The following TIMP2 variants were observed in gnomAD, a reference collection of about 807,000 sequenced individuals.
TIMP2 encodes the protein TIMP metallopeptidase inhibitor 2.
Under a neutral mutation model 24.3 loss-of-function variants are expected in TIMP2, and 5 were observed. The ratio of observed to expected loss-of-function variants is 0.21; its 90% confidence interval spans 0.11 to 0.43. TIMP2 has a LOEUF of 0.43. TIMP2 is among the 20% of genes least tolerant of loss of function. TIMP2 has a pLI of 1.00. For synonymous variants in TIMP2, 130 were observed against 123.2 expected (o/e 1.06, Z -0.37); for missense variants, 221 against 297.5 (o/e 0.74, Z 1.89).
intron 1 of TIMP2, among the ~76,000 whole-genome samples, chr17:78,916,422 G>A (rs565313589): frequency 1.1e-4 from 17 of 152,240 alleles, no homozygotes; most frequent in Non-Finnish European, 1.3e-4. Context: ...CCCTCTCGCC[G>A]AGACTTTCTG....
intron 1 of TIMP2, among the ~76,000 whole-genome samples, chr17:78,878,023 T>C (rs1358941132): frequency 1.3e-5 from 2 of 152,182 alleles, no homozygotes; most frequent in Admixed American, 6.5e-5. Context: ...TGCCTTTCAA[T>C]GGTCCACTAA....
At chr17:78,859,955 A>C (rs2069554908) in intron 3 of TIMP2, among the ~76,000 whole-genome samples, 1 of 151,942 alleles carries the variant, frequency 6.6e-6, no homozygotes, top group South Asian at 2.1e-4. Context: ...TCATGCCACT[A>C]CATTCCAGCC....
intron 1 of TIMP2, among the ~76,000 whole-genome samples, chr17:78,888,912 G>A (rs2069852131): frequency 6.6e-6 from 1 of 152,200 alleles, no homozygotes; most frequent in Non-Finnish European, 1.5e-5. Flanking sequence ...AATGTGTCAT[G>A]AACAAAGATT....
chr17:78,879,936 G>A (rs1304635379), intron 1 of TIMP2, among the ~76,000 whole-genome samples: 2 of 151,952 alleles, frequency 1.3e-5, no homozygotes, highest in African/African-American at 2.4e-5. Context: ...CCGGGTGGGC[G>A]GAAAACCAAG....
At chr17:78,867,622 G>T (rs1234511682) in intron 3 of TIMP2, among the ~76,000 whole-genome samples, 2 of 141,510 alleles carry the variant, frequency 1.4e-5, no homozygotes, top group Non-Finnish European at 3.0e-5. Flanking sequence ...TTGAGATGGA[G>T]TCTCACTCTG....
chr17:78,901,234 C>G, intron 1 of TIMP2: 1 of 154,560 alleles, frequency 6.5e-6, no homozygotes, highest in Admixed American at 6.3e-5. Context: ...AAATGATGGT[C>G]AACAGCTACG....
At chr17:78,892,887 G>C (rs1266935022) in intron 1 of TIMP2, among the ~76,000 whole-genome samples, 2 of 152,150 alleles carry the variant, frequency 1.3e-5, no homozygotes, top group Non-Finnish European at 2.9e-5. Flanking sequence ...CCCACCCAAA[G>C]GGCAAGGGTT....
intron 3 of TIMP2, among the ~76,000 whole-genome samples, chr17:78,865,594 A>T (rs965804437): frequency 3.4e-5 from 5 of 148,580 alleles, no homozygotes; most frequent in Non-Finnish European, 7.4e-5. Context: ...ATTGCACTCC[A>T]GCCTGGGCAA....
rs1015826176 is a variant in TIMP2, at chr17:78,854,137, G to A, written c.*1530C>T. ...TTGCCGCTGAATAGAACAGGCTAAGGTGGCTTTGGAAGCATTTTGCAAGAC... is the reference window on the plus strand; with the variant it reads ...TTGCCGCTGAATAGAACAGGCTAAGATGGCTTTGGAAGCATTTTGCAAGAC... On this transcript the variant is annotated 3_prime_UTR_variant, in exon 5 of 5. Coordinates refer to ENST00000262768, the MANE Select transcript of TIMP2 (RefSeq NM_003255.5). 1 of 152,078 alleles carries A rather than the reference G, an allele frequency of 6.6e-6. No individual in the cohort carries two copies. The highest frequency in any genetic ancestry group is 1.5e-5 in the Non-Finnish European group (1 of 68,036). 9.4% of individuals were successfully genotyped at this position (152,078 alleles called of 1,614,324 possible). A position where few individuals can be genotyped will look rare whatever the true frequency, so the allele number is the denominator to read the frequency against.
rs2070332888 is a variant in TIMP2 at position 78,924,391 on chromosome 17, C to G, written c.130+568G>C. The stretch of plus-strand genomic sequence containing the variant: ...GAGCCACGCCAGGAGACGCCACCGG[C>G]TTTTTCACCTGCCCCTCTGGGCCTG... On this transcript the variant is annotated intron_variant, in intron 1 of 4. Coordinates refer to ENST00000262768, the MANE Select transcript of TIMP2 (RefSeq NM_003255.5). This position sits in a 1 kb window ranked among gnomAD's most constrained non-coding sequence, Gnocchi z 5.3. 6.6e-6 allele frequency among the ~76,000 whole-genome samples: 1 copy of G among 152,244 alleles called. No individual in the cohort carries two copies. Among genetic ancestry groups the G allele is most frequent in the African/African-American group, 2.4e-5 (1 of 41,472 alleles).
rs2145756727 is a variant in TIMP2, at chr17:78,875,467, A to G, written c.131-1548T>C. Among the ~76,000 whole-genome samples, 5 of 151,970 alleles carry G rather than the reference A, an allele frequency of 3.3e-5. No individual in the cohort carries two copies. In the South Asian group the frequency reaches 1.0e-3, roughly 32 times the overall value. On this transcript the variant is annotated intron_variant, in intron 1 of 4. Transcript: ENST00000262768. ...AGCAATTAAGCCAGGATTCTGTTCC[A>G]CTCCTGGTAACCTGAGGACAAGCAG...
chr17:78,919,809 T>TG (rs1487549960), intron 1 of TIMP2, among the ~76,000 whole-genome samples: 3 of 151,818 alleles, frequency 2.0e-5, no homozygotes, highest in South Asian at 4.2e-4. Flanking sequence ...CACTCCAGCC[T>TG]GGAGACAGAG....
At position 78,855,082 on chromosome 17, in the gene TIMP2, C is replaced by G. The variant is rs556732323; in HGVS notation, c.*585G>C. 1 of 157,004 alleles carries G rather than the reference C, an allele frequency of 6.4e-6. No individual in the cohort carries two copies. Among genetic ancestry groups the G allele is most frequent in the East Asian group, 1.9e-4 (1 of 5,330 alleles). 9.7% of individuals were successfully genotyped at this position (157,004 alleles called of 1,614,324 possible). ...AGGATTGATGGGGCTCCTTCAAGAACTAGCCACTGGTTCCAGGCTGCCCTT... is the reference window on the plus strand; with the variant it reads ...AGGATTGATGGGGCTCCTTCAAGAAGTAGCCACTGGTTCCAGGCTGCCCTT... On this transcript the variant is annotated 3_prime_UTR_variant, in exon 5 of 5. Transcript: ENST00000262768. The surrounding 1 kb of genome is among the most constrained non-coding windows in gnomAD (Gnocchi z 6.0).
chr17:78,909,472 A>AC (rs1051209048), intron 1 of TIMP2, among the ~76,000 whole-genome samples: 3 of 137,276 alleles, frequency 2.2e-5, no homozygotes, highest in Non-Finnish European at 3.1e-5. Flanking sequence ...CCCACGAATG[A>AC]CCCCCCCACC....
intron 3 of TIMP2, among the ~76,000 whole-genome samples, chr17:78,861,711 C>T (rs1233767397): frequency 6.6e-6 from 1 of 151,774 alleles, no homozygotes; most frequent in Non-Finnish European, 1.5e-5. Flanking sequence ...CAAGCATTCT[C>T]CTGCCTTAGC....
At chr17:78,887,626 C>A (rs1374779419) in intron 1 of TIMP2, among the ~76,000 whole-genome samples, 1 of 152,060 alleles carries the variant, frequency 6.6e-6, no homozygotes, top group African/African-American at 2.4e-5. Flanking sequence ...CTCAAGTGAT[C>A]CACCTGCCTC....
intron 1 of TIMP2, among the ~76,000 whole-genome samples, chr17:78,905,964 T>C (rs1246990912): frequency 6.6e-6 from 1 of 152,274 alleles, no homozygotes; most frequent in African/African-American, 2.4e-5. Flanking sequence ...ATGACTCTTT[T>C]GGTTTCCCAA....
Position 78,891,439 on chromosome 17 carries a change from C to A in TIMP2, c.131-17520G>T, listed in dbSNP as rs1222029350. ...CCAGGTACAAGCACAGGTGTTTTTT[C>A]AGCTTTCTGTTTATATTAAACAACT... On this transcript the variant is annotated intron_variant, in intron 1 of 4. Transcript: ENST00000262768. The surrounding 1 kb of genome is among the most constrained non-coding windows in gnomAD (Gnocchi z 4.5). The A allele has an allele frequency of 1.3e-6, 2 of 1,550,816 alleles. No individual in the cohort carries two copies. Among genetic ancestry groups the A allele is most frequent in the Non-Finnish European group, 1.7e-6 (2 of 1,147,084 alleles).
intron 1 of TIMP2, among the ~76,000 whole-genome samples, chr17:78,893,407 G>GTGCGCGTAGAGGTATA (rs2069945485): frequency 7.1e-6 from 1 of 141,024 alleles, no homozygotes; most frequent in Non-Finnish European, 1.5e-5. Context: ...GCAGGGGTGT[G>GTGCGCGTAGAGGTATA]TGTGCATAGG....
Sources: allele counts gnomAD v4.1 joint callset (sites outside exome capture counted in the v4.1 genomes callset), GRCh38; gene constraint gnomAD v4.1.1; non-coding constraint Gnocchi (gnomAD v3.1); transcripts MANE v1.5; gene names NCBI Gene and HGNC (gene_info 2026-07-23, HGNC 2026-07-21).